Variants in CYB5R4 observed in about 807,000 individuals in gnomAD.
The protein encoded by CYB5R4 is N-terminal cytochrome b5 and cytochrome b5 oxidoreductase domain-containing protein.
A neutral mutation model predicts 70.2 loss-of-function variants in CYB5R4; 55 were observed. The ratio of observed to expected loss-of-function variants is 0.78; its 90% CI spans 0.63 to 0.98. CYB5R4 has a LOEUF of 0.98. Ranked by LOEUF, CYB5R4 falls within the 50% of genes least tolerant of loss-of-function variation. The probability of loss-of-function intolerance (pLI) is 0.00; values close to 1 mark genes in which losing one functional copy is unlikely to be tolerated. For synonymous variants in CYB5R4, 197 were observed against 199.5 expected (o/e 0.99, Z 0.11); for missense variants, 562 against 612.6 (o/e 0.92, Z 0.87).
At chr6:83,898,796 A>G (rs549162364) in intron 3 of CYB5R4, among the ~76,000 whole-genome samples, 2 of 152,026 alleles carry the variant, frequency 1.3e-5, no homozygotes, top group African/African-American at 2.4e-5. Context: ...AATGCTTGTG[A>G]TTTTTGCACA....
In CYB5R4 at chr6:83,957,577, G is replaced by A. The variant is rs543351479; in HGVS notation, c.1511+2115G>A. On this transcript the variant is annotated intron_variant, in intron 15 of 15. Coordinates refer to ENST00000369681, the MANE Select transcript of CYB5R4 (RefSeq NM_016230.4). ...CGGAGGTTGGCAATGAGCCAGGATC[G>A]CGCCATTGCACTCCAGCCTGGGCAA... 4.8e-4 allele frequency among the ~76,000 whole-genome samples: 69 copies of A among 143,096 alleles called. No homozygotes were observed. In the South Asian group the frequency reaches 5.2e-3, roughly 11 times the overall value. 93.9% of individuals were successfully genotyped at this position (143,096 alleles called of 152,430 possible). A position where few individuals can be genotyped will look rare whatever the true frequency, so the allele number is the denominator to read the frequency against.
chr6:83,946,385 A>T (rs978892928), intron 14 of CYB5R4, among the ~76,000 whole-genome samples: 1 of 152,210 alleles, frequency 6.6e-6, no homozygotes, highest in African/African-American at 2.4e-5. Flanking sequence ...CCTTCATGCT[A>T]AAAACACTCA....
At chr6:83,914,387 T>C in intron 4 of CYB5R4, 29 bp from the exon 5 acceptor site, 1 of 1,524,442 alleles carries the variant, frequency 6.6e-7, no homozygotes, top group Non-Finnish European at 8.9e-7. Context: ...GTATTCTTAT[T>C]TGACTTTTTT....
chr6:83,887,187 A>G (rs1316990560), intron 2 of CYB5R4, among the ~76,000 whole-genome samples: 2 of 152,142 alleles, frequency 1.3e-5, no homozygotes, highest in Non-Finnish European at 2.9e-5. Context: ...TTTTTAAAAA[A>G]GTGGTGAGCT....
intron 12 of CYB5R4, 59 bp from the exon 13 acceptor site, chr6:83,939,997 T>A: frequency 7.5e-7 from 1 of 1,331,620 alleles, no homozygotes; most frequent in Non-Finnish European, 1.0e-6. Context: ...CCCCGCTGGG[T>A]TTTTTGTTTT....
intron 2 of CYB5R4, among the ~76,000 whole-genome samples, chr6:83,889,345 G>GTCTGACAT (rs1364274752): frequency 1.3e-5 from 2 of 152,186 alleles, no homozygotes; most frequent in Non-Finnish European, 2.9e-5. Flanking sequence ...CAGTCTGACA[G>GTCTGACAT]TCTGACTCTC....
chr6:83,924,719 G>A, intron 10 of CYB5R4, 127 bp downstream of exon 10: 1 of 928,506 alleles, frequency 1.1e-6, no homozygotes, highest in Admixed American at 2.4e-5. Context: ...CTGCTAGGAA[G>A]TTTGAAAGGG....
chr6:83,967,241 A>C lies in CYB5R4; in HGVS notation c.*7363A>C, dbSNP rs542493005. 6.6e-6 allele frequency: 1 copy of C among 152,358 alleles called. No individual in the cohort carries two copies. Among genetic ancestry groups the C allele is most frequent in the African/African-American group, 2.4e-5 (1 of 41,590 alleles). The allele number at this position is 152,358 out of a possible 1,614,324, so 9.4% of individuals were successfully genotyped here. A position where few individuals can be genotyped will look rare whatever the true frequency, so the allele number is the denominator to read the frequency against. ...AGCTTTAAACAACCAGAAAGACTAG[A>C]AAGTCATCAATAAAAGGATTGGAGA... is the stretch of plus-strand genomic sequence containing the variant. On this transcript the variant is annotated 3_prime_UTR_variant, in exon 16 of 16. Transcript: ENST00000369681.
chr6:83,881,163 TTTTCTTTTTC>T (rs1479518436), intron 2 of CYB5R4, among the ~76,000 whole-genome samples: 1 of 151,974 alleles, frequency 6.6e-6, no homozygotes, highest in African/African-American at 2.4e-5. Context: ...TACTGCCTTT[TTTTCTTTTTC>T]TTTCTTTTTT....
intron 14 of CYB5R4, among the ~76,000 whole-genome samples, chr6:83,954,935 T>C (rs1201116856): frequency 4.0e-5 from 6 of 150,832 alleles, no homozygotes; most frequent in South Asian, 2.1e-4. Flanking sequence ...TTGTAGAAAC[T>C]AGGTCTCACT....
intron 8 of CYB5R4, among the ~76,000 whole-genome samples, chr6:83,921,510 G>A (rs939233603): frequency 2.6e-5 from 4 of 152,138 alleles, no homozygotes; most frequent in African/African-American, 9.7e-5. Context: ...ACTGTCCTTC[G>A]CTAGGTGGCC....
At position 83,864,100 on chromosome 6, in the gene CYB5R4, T is replaced by A. The variant is rs1372938291; in HGVS notation, c.76-75T>A. The A allele has an allele frequency of 1.7e-5, 22 of 1,321,272 alleles. No homozygotes were observed. The Middle Eastern group carries it at 6.4e-4, about 38-fold the overall frequency. 81.8% of individuals were successfully genotyped at this position (1,321,272 alleles called of 1,614,324 possible). A position where few individuals can be genotyped will look rare whatever the true frequency, so the allele number is the denominator to read the frequency against. On this transcript the variant is annotated intron_variant, in intron 1 of 15. Transcript: ENST00000369681. ...AAAAGGATTTATAGAAGTGTTAGATTTGAGTTTTATTATCTTTTAAAATGG... is the reference window on the plus strand; with the variant it reads ...AAAAGGATTTATAGAAGTGTTAGATATGAGTTTTATTATCTTTTAAAATGG...
Position 83,962,134 on chromosome 6 carries a change from ATT to A in CYB5R4, c.*2257_*2258del, listed in dbSNP as rs2099473441. On this transcript the variant is annotated 3_prime_UTR_variant, in exon 16 of 16. Transcript: ENST00000369681. The stretch of plus-strand genomic sequence containing the variant: ...CCACCTAGTAAGCCATTCTAGAACT[ATT>A]AGGAATCAACATCAATGTCCCCTTC... 1 of 152,160 alleles carries A rather than the reference ATT, an allele frequency of 6.6e-6. No homozygotes were observed. The highest frequency in any genetic ancestry group is 2.1e-4 in the South Asian group (1 of 4,824). The allele number at this position is 152,160 out of a possible 1,614,324, so 9.4% of individuals were successfully genotyped here. A position where few individuals can be genotyped will look rare whatever the true frequency, so the allele number is the denominator to read the frequency against.
chr6:83,890,560 A>G (rs1385727168), intron 2 of CYB5R4, among the ~76,000 whole-genome samples: 2 of 152,220 alleles, frequency 1.3e-5, no homozygotes, highest in African/African-American at 4.8e-5. Flanking sequence ...TATTACATAC[A>G]CTTAGTTCGT....
At chr6:83,876,565 A>G (rs1484483567) in intron 2 of CYB5R4, among the ~76,000 whole-genome samples, 2 of 151,120 alleles carry the variant, frequency 1.3e-5, no homozygotes, top group African/African-American at 4.9e-5. Context: ...GTCTACTTTC[A>G]AATAATATAC....
chr6:83,919,128 T>C (rs1212307404), intron 6 of CYB5R4, among the ~76,000 whole-genome samples: 1 of 152,162 alleles, frequency 6.6e-6, no homozygotes, highest in Non-Finnish European at 1.5e-5. Flanking sequence ...TAAAGAGATG[T>C]ATAGGCTCTA....
At chr6:83,924,741 TGTC>T (rs1482987535) in intron 10 of CYB5R4, 149 bp downstream of exon 10, 1 of 782,274 alleles carries the variant, frequency 1.3e-6, no homozygotes, top group African/African-American at 1.7e-5. Flanking sequence ...CAATGTGTGT[TGTC>T]CTGCTTTTTT....
intron 2 of CYB5R4, among the ~76,000 whole-genome samples, chr6:83,885,458 T>A (rs1208520563): frequency 6.6e-6 from 1 of 152,200 alleles, no homozygotes; most frequent in Non-Finnish European, 1.5e-5. Flanking sequence ...AATTAGTGGA[T>A]GTGTGGCCTG....
intron 2 of CYB5R4, among the ~76,000 whole-genome samples, chr6:83,888,777 G>A (rs769261096): frequency 6.6e-6 from 1 of 152,188 alleles, no homozygotes; most frequent in Non-Finnish European, 1.5e-5. Flanking sequence ...GCTTAGTGAG[G>A]AAGGCATGTT....
Sources: gnomAD v4.1 joint callset for allele counts (sites outside exome capture counted in the v4.1 genomes callset) on GRCh38, gnomAD v4.1.1 for gene constraint, MANE v1.5 for transcripts, NCBI Gene and HGNC (gene_info 2026-07-23, HGNC 2026-07-21) for gene names.